ARHGAP12: variants seen among roughly 807,000 people sequenced by gnomAD.
The protein encoded by ARHGAP12 is Rho GTPase activating protein 12, also known as rho GTPase-activating protein 12.
Under a neutral mutation model 108.6 loss-of-function variants are expected in ARHGAP12, and 64 were observed. That is an observed-to-expected ratio of 0.59 (90% CI 0.48 to 0.73). The LOEUF (loss-of-function observed/expected upper bound fraction) is 0.73, where lower values mean the gene tolerates loss of function less well. Ranked by LOEUF, ARHGAP12 falls within the 30% of genes least tolerant of loss-of-function variation. The probability of loss-of-function intolerance (pLI) is 0.00; values close to 1 mark genes in which losing one functional copy is unlikely to be tolerated. For synonymous variants in ARHGAP12, 312 were observed against 337.2 expected, an observed-to-expected ratio of 0.93 and a Z score of 0.82; for missense variants, 940 against 1,005.9, an observed-to-expected ratio of 0.93 and a Z score of 0.89.
intron 4 of ARHGAP12, among the ~76,000 whole-genome samples, chr10:31,857,891 C>T (rs1323961211): frequency 6.6e-6 from 1 of 152,124 alleles, no homozygotes; most frequent in Non-Finnish European, 1.5e-5. Context: ...TTAACAGATC[C>T]TCATGAAGGA....
At chr10:31,856,064 A>G (rs183832609) in intron 4 of ARHGAP12, among the ~76,000 whole-genome samples, 124 of 152,318 alleles carry the variant, frequency 8.1e-4, no homozygotes, top group Admixed American at 2.5e-3. Flanking sequence ...CAGCAAATGT[A>G]TCCTAGTACA....
chr10:31,918,260 T>G (rs993475248), intron 1 of ARHGAP12, among the ~76,000 whole-genome samples: 1 of 151,782 alleles, frequency 6.6e-6, no homozygotes, highest in Admixed American at 6.6e-5. Flanking sequence ...CATCTGTATA[T>G]AAGCGGCCAG....
intron 3 of ARHGAP12, among the ~76,000 whole-genome samples, chr10:31,894,897 A>G (rs1838616037): frequency 6.6e-6 from 1 of 152,236 alleles, no homozygotes; most frequent in South Asian, 2.1e-4. Flanking sequence ...GTACCAAAAC[A>G]GAGATACAGA....
At chr10:31,825,305 T>A (rs962070859) in intron 11 of ARHGAP12, among the ~76,000 whole-genome samples, 1 of 152,236 alleles carries the variant, frequency 6.6e-6, no homozygotes, top group South Asian at 2.1e-4. Flanking sequence ...TTTTCTTTCA[T>A]CAAACATAAG....
intron 4 of ARHGAP12, among the ~76,000 whole-genome samples, chr10:31,859,699 T>C (rs1254829678): frequency 6.6e-6 from 1 of 152,222 alleles, no homozygotes; most frequent in Non-Finnish European, 1.5e-5. Flanking sequence ...AATTTAGTCT[T>C]TTTCCTAATT....
intron 13 of ARHGAP12, among the ~76,000 whole-genome samples, chr10:31,814,607 C>A (rs1337978240): frequency 3.9e-5 from 6 of 152,086 alleles, no homozygotes; most frequent in Admixed American, 1.3e-4. Flanking sequence ...TTAGTTTACA[C>A]TGATGATGAG....
intron 3 of ARHGAP12, among the ~76,000 whole-genome samples, chr10:31,893,569 A>C: frequency 6.6e-6 from 1 of 151,700 alleles, no homozygotes; most frequent in Admixed American, 6.6e-5. Context: ...CTCTGAATAG[A>C]CCAATAACAG....
chr10:31,875,800 C>T (rs895759546), intron 3 of ARHGAP12, among the ~76,000 whole-genome samples: 14 of 152,344 alleles, frequency 9.2e-5, no homozygotes, highest in African/African-American at 3.1e-4. Context: ...CTTCTTTCAT[C>T]TTGCAAAACT....
At position 31,805,736 on chromosome 10, in the gene ARHGAP12, A is replaced by G. The variant is rs1437196392; in HGVS notation, c.*1922T>C. 1 of 152,002 alleles carries G rather than the reference A, an allele frequency of 6.6e-6. No individual in the cohort carries two copies. Among genetic ancestry groups the G allele is most frequent in the Non-Finnish European group, 1.5e-5 (1 of 68,002 alleles). The allele number at this position is 152,002 out of a possible 1,614,324, so 9.4% of individuals were successfully genotyped here. On this transcript the variant is annotated 3_prime_UTR_variant, in exon 20 of 20. Transcript: ENST00000344936. ...CAATTTTAATCTTTGATATATGTTC[A>G]TGAACACCAAGAACAAGAACATCAC... is the stretch of plus-strand genomic sequence containing the variant.
intron 1 of ARHGAP12, among the ~76,000 whole-genome samples, chr10:31,912,967 T>C (rs555933401): frequency 1.7e-4 from 26 of 152,324 alleles, no homozygotes; most frequent in African/African-American, 3.6e-4. Context: ...TCCCATTATA[T>C]AGGTCATCTC....
At chr10:31,890,656 AGC>A (rs1311373925) in intron 3 of ARHGAP12, among the ~76,000 whole-genome samples, 1 of 152,206 alleles carries the variant, frequency 6.6e-6, no homozygotes, top group East Asian at 1.9e-4. Context: ...ATTTATCAGC[AGC>A]AAGCTAGGAT....
chr10:31,810,198 T>C (rs1018840375), intron 16 of ARHGAP12, among the ~76,000 whole-genome samples: 3 of 152,170 alleles, frequency 2.0e-5, no homozygotes, highest in African/African-American at 7.2e-5. Flanking sequence ...TTACAGAAAA[T>C]GACATAAAAA....
chr10:31,893,299 A>G (rs1033954046), intron 3 of ARHGAP12, among the ~76,000 whole-genome samples: 4 of 152,134 alleles, frequency 2.6e-5, no homozygotes, highest in African/African-American at 9.7e-5. Flanking sequence ...TCAAAAATCA[A>G]TCCAGGAGCT....
chr10:31,892,134 T>G (rs911017651), intron 3 of ARHGAP12, among the ~76,000 whole-genome samples: 2 of 152,262 alleles, frequency 1.3e-5, no homozygotes, highest in Non-Finnish European at 2.9e-5. Context: ...AAGGAACAAC[T>G]GGTACCAGAC....
chr10:31,819,354 G>C (rs1835325481), intron 12 of ARHGAP12, among the ~76,000 whole-genome samples: 1 of 152,118 alleles, frequency 6.6e-6, no homozygotes, highest in Admixed American at 6.6e-5. Flanking sequence ...CAACAGGAAA[G>C]CCCTGAGACA....
chr10:31,842,979 G>A (rs1836326419), intron 7 of ARHGAP12, among the ~76,000 whole-genome samples: 1 of 152,108 alleles, frequency 6.6e-6, no homozygotes, highest in Admixed American at 6.6e-5. Context: ...AGAGCATTTA[G>A]AGAAACAAAG....
chr10:31,905,904 T>C (rs1839117065), intron 3 of ARHGAP12, among the ~76,000 whole-genome samples: 1 of 145,044 alleles, frequency 6.9e-6, no homozygotes, highest in South Asian at 2.1e-4. Flanking sequence ...ATACTTATTG[T>C]TATAGCCAGT....
At chr10:31,816,377 G>A (rs1366516362) in intron 13 of ARHGAP12, among the ~76,000 whole-genome samples, 10 of 152,112 alleles carry the variant, frequency 6.6e-5, no homozygotes, top group African/African-American at 2.2e-4. Context: ...CCCTACCATC[G>A]TAACACTCAT....
chr10:31,926,734 T>TA (rs1212264702), intron 1 of ARHGAP12, among the ~76,000 whole-genome samples: 1 of 152,210 alleles, frequency 6.6e-6, no homozygotes, highest in Non-Finnish European at 1.5e-5. Flanking sequence ...ATCAGCCTAC[T>TA]AAAAAACCAC....
Sources: gnomAD v4.1 joint callset for allele counts (sites outside exome capture counted in the v4.1 genomes callset) on GRCh38, gnomAD v4.1.1 for gene constraint, MANE v1.5 for transcripts, NCBI Gene and HGNC (gene_info 2026-07-23, HGNC 2026-07-21) for gene names.